Variants in ALOX5AP observed in about 807,000 individuals in gnomAD.
ALOX5AP encodes arachidonate 5-lipoxygenase activating protein.
A neutral mutation model predicts 18.5 loss-of-function variants in ALOX5AP; 9 were observed. The ratio of observed to expected loss-of-function variants is 0.49; its 90% CI spans 0.29 to 0.85. ALOX5AP has a LOEUF of 0.85. Ranked by LOEUF, ALOX5AP falls within the 40% of genes least tolerant of loss-of-function variation. ALOX5AP has a pLI of 0.08. For missense variants in ALOX5AP, 172 were observed against 202.5 expected (o/e 0.85, Z 0.91); for synonymous variants, 81 against 78.6 (o/e 1.03, Z -0.16).
chr13:30,713,750 C>T, exon 1 of ALOX5AP: 1 of 1,535,264 alleles, frequency 6.5e-7, no homozygotes. Flanking sequence ...TCACGATGCT[C>T]CCTGGCATAC....
chr13:30,726,805 A>G (rs1346667340), intron 1 of ALOX5AP, among the ~76,000 whole-genome samples: 2 of 151,832 alleles, frequency 1.3e-5, no homozygotes, highest in African/African-American at 2.4e-5. Flanking sequence ...AGCTGGGACT[A>G]CAGGCATGCA....
chr13:30,716,823 T>C (rs1409868348), intron 1 of ALOX5AP, among the ~76,000 whole-genome samples: 2 of 152,198 alleles, frequency 1.3e-5, no homozygotes, highest in African/African-American at 4.8e-5. Flanking sequence ...TTGTGATCTC[T>C]TATAGGGAGG....
At chr13:30,737,898 G>C (rs973099223) in intron 1 of ALOX5AP, among the ~76,000 whole-genome samples, 2 of 152,150 alleles carry the variant, frequency 1.3e-5, no homozygotes, top group South Asian at 2.1e-4. Flanking sequence ...GTTTTTAACT[G>C]TGAGTTTTTA....
intron 1 of ALOX5AP, among the ~76,000 whole-genome samples, chr13:30,742,093 G>A (rs554684271): frequency 6.6e-6 from 1 of 152,188 alleles, no homozygotes; most frequent in African/African-American, 2.4e-5. Context: ...TGAGGCAGGT[G>A]GATCACGAGG....
At chr13:30,727,057 TG>T (rs1951644768) in intron 1 of ALOX5AP, among the ~76,000 whole-genome samples, 1 of 57,220 alleles carries the variant, frequency 1.7e-5, no homozygotes, top group African/African-American at 7.0e-5. Flanking sequence ...AGCATGATTT[TG>T]CCTTTTTTTT....
intron 1 of ALOX5AP, among the ~76,000 whole-genome samples, chr13:30,714,417 T>C (rs1340351389): frequency 6.6e-6 from 1 of 151,884 alleles, no homozygotes; most frequent in African/African-American, 2.4e-5. Context: ...GACGGGTCGA[T>C]GTGGGGCATC....
chr13:30,716,768 G>A (rs1475644218), intron 1 of ALOX5AP, among the ~76,000 whole-genome samples: 1 of 152,158 alleles, frequency 6.6e-6, no homozygotes, highest in Non-Finnish European at 1.5e-5. Context: ...GTGATAATTC[G>A]CTGGGAGATC....
intron 4 of ALOX5AP, among the ~76,000 whole-genome samples, chr13:30,762,844 T>C (rs1261517254): frequency 1.3e-5 from 2 of 152,124 alleles, no homozygotes; most frequent in African/African-American, 4.8e-5. Context: ...ATTTGGACTT[T>C]CCCAACCTGT....
chr13:30,750,981 G>A (rs1052587173), intron 2 of ALOX5AP, among the ~76,000 whole-genome samples: 3 of 152,200 alleles, frequency 2.0e-5, no homozygotes, highest in Admixed American at 6.5e-5. Flanking sequence ...AGTTCCAGAA[G>A]GATTGCAGCC....
chr13:30,752,018 T>G (rs200245621), intron 2 of ALOX5AP, 34 bp from the exon 3 acceptor site: 10 of 1,604,438 alleles, frequency 6.2e-6, no homozygotes, highest in Non-Finnish European at 7.7e-6. Flanking sequence ...ACTTGGTCTC[T>G]GATTGTTTTT....
At chr13:30,714,998 A>G (rs9579639) in intron 1 of ALOX5AP, among the ~76,000 whole-genome samples, 26,872 of 152,146 alleles carry the variant, frequency 0.18, 3,465 homozygotes, top group African/African-American at 0.35. Flanking sequence ...ATTTCCTGAT[A>G]GGTCCTGAGG....
In ALOX5AP at chr13:30,745,414, A is replaced by G. The variant is rs547136273; in HGVS notation, c.170+1255A>G. Among the ~76,000 whole-genome samples the G allele has an allele frequency of 2.6e-5, 4 of 152,194 alleles. No homozygotes were observed. In the South Asian group the frequency reaches 8.3e-4, roughly 32 times the overall value. ...CCTCTGTGGGCATTTTCCCTTTCAG[A>G]CAGCCCCTGAGTACTCACAGTGCTG... On this transcript the variant is annotated intron_variant, in intron 2 of 4. Transcript: ENST00000380490.
chr13:30,753,095 G>C (rs1189691577), intron 3 of ALOX5AP, among the ~76,000 whole-genome samples: 1 of 152,244 alleles, frequency 6.6e-6, no homozygotes, highest in Non-Finnish European at 1.5e-5. Context: ...TCACCTGGCG[G>C]TGAGGCACAG....
chr13:30,735,771 G>T, intron 1 of ALOX5AP, 96 bp downstream of exon 1: 1 of 1,340,942 alleles, frequency 7.5e-7, no homozygotes, highest in Non-Finnish European at 1.0e-6. Flanking sequence ...CTGTGTGTGC[G>T]CATGCACAAA....
intron 1 of ALOX5AP, among the ~76,000 whole-genome samples, chr13:30,729,573 T>C (rs958628859): frequency 1.3e-4 from 15 of 112,396 alleles, no homozygotes; most frequent in African/African-American, 3.9e-4. Flanking sequence ...ATGTCTAACC[T>C]GTATTTTTTT....
At chr13:30,758,857 C>T (rs900213340) in intron 4 of ALOX5AP, among the ~76,000 whole-genome samples, 2 of 151,980 alleles carry the variant, frequency 1.3e-5, no homozygotes, top group African/African-American at 4.8e-5. Context: ...CTCTGTCACC[C>T]AAACTGGAGT....
At chr13:30,752,579 C>T (rs1012125633) in intron 3 of ALOX5AP, among the ~76,000 whole-genome samples, 16 of 152,246 alleles carry the variant, frequency 1.1e-4, no homozygotes, top group Non-Finnish European at 1.8e-4. Flanking sequence ...CCACAGTTAT[C>T]AGCAGCCCAC....
intron 4 of ALOX5AP, among the ~76,000 whole-genome samples, chr13:30,759,761 A>G (rs1445811001): frequency 6.6e-6 from 1 of 152,192 alleles, no homozygotes; most frequent in African/African-American, 2.4e-5. Context: ...CGGGGAGCAT[A>G]GATGGATATC....
chr13:30,757,315 G>C (rs142490506), intron 4 of ALOX5AP, among the ~76,000 whole-genome samples: 252 of 152,282 alleles, frequency 1.7e-3, no homozygotes, highest in African/African-American at 5.9e-3. Flanking sequence ...ACTTGACGGG[G>C]TTAGACCGTG....
Sources: allele counts gnomAD v4.1 joint callset (sites outside exome capture counted in the v4.1 genomes callset), GRCh38; gene constraint gnomAD v4.1.1; transcripts MANE v1.5; gene names NCBI Gene and HGNC (gene_info 2026-07-23, HGNC 2026-07-21).